ESYT2: variants seen among roughly 807,000 people sequenced by gnomAD.
ESYT2 encodes extended synaptotagmin-2.
In ESYT2, 54 loss-of-function variants were observed where a neutral mutation model predicts 107.2. The ratio of observed to expected loss-of-function variants is 0.50; its 90% CI spans 0.40 to 0.63. The LOEUF (loss-of-function observed/expected upper bound fraction) is 0.63, where lower values mean the gene tolerates loss of function less well. Among genes scored for constraint, ESYT2 ranks in the 30% least tolerant of loss-of-function variants. The pLI is 0.00. For missense variants in ESYT2, 1,020 were observed against 1,094.5 expected (o/e 0.93, Z 0.96); for synonymous variants, 491 against 434.1 (o/e 1.13, Z -1.63).
chr7:158,802,437 C>T (rs1000704469), intron 1 of ESYT2, among the ~76,000 whole-genome samples: 1 of 152,168 alleles, frequency 6.6e-6, no homozygotes, highest in African/African-American at 2.4e-5. Flanking sequence ...CCCGCCACCA[C>T]AAGTGGCTAA....
intron 6 of ESYT2, among the ~76,000 whole-genome samples, chr7:158,781,289 AGT>A (rs1398081578): frequency 2.1e-5 from 1 of 48,700 alleles, no homozygotes; most frequent in African/African-American, 5.9e-5. Flanking sequence ...GTGTGAGAAC[AGT>A]GTGCGGTGTG....
At chr7:158,798,646 C>CAAAAAAAAAAAAAAAAAA (rs57351086) in intron 2 of ESYT2, among the ~76,000 whole-genome samples, 3 of 49,854 alleles carry the variant, frequency 6.0e-5, no homozygotes, top group Non-Finnish European at 9.8e-5. Flanking sequence ...AGCTCCGTCT[C>CAAAAAAAAAAAAAAAAAA]AAAAAAAAAA....
At chr7:158,823,319 AAAG>A (rs1840340655) in intron 1 of ESYT2, among the ~76,000 whole-genome samples, 1 of 148,950 alleles carries the variant, frequency 6.7e-6, no homozygotes. Context: ...AAAAAAAAAA[AAAG>A]ACATTGGATT....
intron 1 of ESYT2, among the ~76,000 whole-genome samples, chr7:158,806,113 G>GGGGCACACCGCGTGGGAGGCGCCA (rs1839822384): frequency 6.6e-6 from 1 of 150,574 alleles, no homozygotes; most frequent in East Asian, 2.0e-4. Flanking sequence ...GGGAGGCGCC[G>GGGGCACACCGCGTGGGAGGCGCCA]GGGCACACCG....
At position 158,767,788 on chromosome 7, in the gene ESYT2, G is replaced by C. The variant is rs751949388; in HGVS notation, c.804-14C>G. On this transcript the variant is annotated splice_polypyrimidine_tract_variant and intron_variant, in intron 7 of 22. Coordinates refer to ENST00000275418, the MANE Select transcript of ESYT2 (RefSeq NM_001367773.1). ...TCTGATAAACCACTGTTAGTTGGGA[G>C]ACAAAAAGAGCAAACGGACTATCAG... 1 of 1,602,624 alleles carries C rather than the reference G, an allele frequency of 6.2e-7. No homozygotes were observed. The highest frequency in any genetic ancestry group is 2.2e-5 in the East Asian group (1 of 44,494).
chr7:158,826,006 A>T (rs1441417811), intron 1 of ESYT2, among the ~76,000 whole-genome samples: 2 of 150,666 alleles, frequency 1.3e-5, no homozygotes, highest in Non-Finnish European at 2.9e-5. Context: ...ACAACGCGGT[A>T]AGAACTCATC....
intron 9 of ESYT2, among the ~76,000 whole-genome samples, chr7:158,764,432 G>C (rs1365082642): frequency 6.6e-6 from 1 of 152,172 alleles, no homozygotes; most frequent in Non-Finnish European, 1.5e-5. Flanking sequence ...ATATTTTGCT[G>C]ATCATTCAGT....
At position 158,734,001 on chromosome 7, in the gene ESYT2, G is replaced by T. The variant is rs762032849; in HGVS notation, c.*206C>A. ...CCTACTGCACGTTGTAGGAACTGGC[G>T]AAATCCTAGAGGAAATCCAACACAG... On this transcript the variant is annotated 3_prime_UTR_variant, in exon 23 of 23. Coordinates refer to ENST00000275418, the MANE Select transcript of ESYT2 (RefSeq NM_001367773.1). 200 of 597,064 alleles carry T rather than the reference G, an allele frequency of 3.3e-4. No individual in the cohort carries two copies. The highest frequency in any genetic ancestry group is 4.9e-4 in the Non-Finnish European group (171 of 347,964). The allele number at this position is 597,064 out of a possible 1,614,324, so 37.0% of individuals were successfully genotyped here.
chr7:158,781,736 CGAGT>C (rs748791965), intron 6 of ESYT2, among the ~76,000 whole-genome samples: 225 of 148,794 alleles, frequency 1.5e-3, no homozygotes, highest in Non-Finnish European at 2.6e-3. Flanking sequence ...TGTGAGTGAA[CGAGT>C]GAGAACAAAG....
chr7:158,741,674 G>A lies in ESYT2; in HGVS notation c.2017C>T (p.Gln673Ter), dbSNP rs771247172. 1.9e-6 allele frequency: 3 copies of A among 1,613,956 alleles called. No individual in the cohort carries two copies. The highest frequency in any genetic ancestry group is 1.3e-5 in the African/African-American group (1 of 74,920). ...CTTCTGCCCAGGTCGTGCAGCCCCT[G>A]AGGGCCGGCCTCAGGGGGCTGGGCC... ...EKAQPPEAGP[Q>*]GLHDLGRSSS... Residue 673 changes from glutamine (Q) to a stop codon, truncating the protein, a stop_gained, in exon 18 of 23, where the codon CAG becomes TAG. Coordinates refer to ENST00000275418, the MANE Select transcript of ESYT2 (RefSeq NM_001367773.1). LOFTEE classifies it high-confidence loss of function.
intron 6 of ESYT2, among the ~76,000 whole-genome samples, chr7:158,779,467 CAG>C (rs1238935028): frequency 2.0e-5 from 3 of 152,198 alleles, no homozygotes; most frequent in African/African-American, 7.2e-5. Context: ...TCTTCAAATT[CAG>C]AGTTAGTCCT....
chr7:158,802,297 T>TG (rs2129473660), intron 1 of ESYT2, among the ~76,000 whole-genome samples: 1 of 152,356 alleles, frequency 6.6e-6, no homozygotes, highest in South Asian at 2.1e-4. Flanking sequence ...ATAAGCATTT[T>TG]TTTTTTTGAG....
Position 158,736,732 on chromosome 7 carries a change from T to C in ESYT2, c.2399+316A>G, listed in dbSNP as rs1357855207. ...TGTATCCTTAAATTCTCAGTTTTAA[T>C]TGATAACATAGTTAAGTGTCAACAG... is the stretch of plus-strand genomic sequence containing the variant. On this transcript the variant is annotated intron_variant, in intron 20 of 22. Transcript: ENST00000275418. Among the ~76,000 whole-genome samples, 5 of 151,852 alleles carry C rather than the reference T, an allele frequency of 3.3e-5. No homozygotes were observed. The East Asian group carries it at 1.0e-3, about 31-fold the overall frequency.
rs74303883 is a variant in ESYT2 at position 158,770,205 on chromosome 7, T to C, written c.804-2431A>G. 2.2e-4 allele frequency among the ~76,000 whole-genome samples: 34 copies of C among 152,194 alleles called. 1 individual carries two copies. Among genetic ancestry groups the C allele is most frequent in the South Asian group, 1.9e-3 (9 of 4,822 alleles). The stretch of plus-strand genomic sequence containing the variant: ...CGCGTTCAGCCTCATAGTTATTTAA[T>C]ATTCACTTTTATAACCTAAGGGTTG... On this transcript the variant is annotated intron_variant, in intron 7 of 22. Transcript: ENST00000275418.
chr7:158,783,936 G>A (rs1343974147), intron 6 of ESYT2, among the ~76,000 whole-genome samples: 1 of 152,218 alleles, frequency 6.6e-6, no homozygotes, highest in African/African-American at 2.4e-5. Context: ...AGAACCCACT[G>A]CAGCTGGGGA....
intron 7 of ESYT2, among the ~76,000 whole-genome samples, chr7:158,768,155 C>A (rs541061635): frequency 2.0e-5 from 3 of 152,234 alleles, no homozygotes; most frequent in Admixed American, 6.5e-5. Flanking sequence ...TACTAAAATA[C>A]ACCTCATTGA....
chr7:158,795,117 C>T (rs1290548227), intron 3 of ESYT2, among the ~76,000 whole-genome samples: 1 of 152,170 alleles, frequency 6.6e-6, no homozygotes, highest in African/African-American at 2.4e-5. Flanking sequence ...AGGACAAACA[C>T]CAGAAGGCAA....
intron 1 of ESYT2, among the ~76,000 whole-genome samples, chr7:158,824,118 T>C (rs1840369034): frequency 6.6e-6 from 1 of 152,168 alleles, no homozygotes; most frequent in South Asian, 2.1e-4. Flanking sequence ...GGCATTAATG[T>C]TCTAACTGAA....
At chr7:158,765,898 T>C (rs1838145268) in intron 8 of ESYT2, among the ~76,000 whole-genome samples, 2 of 152,098 alleles carry the variant, frequency 1.3e-5, no homozygotes, top group African/African-American at 4.8e-5. Flanking sequence ...ACACATCCTT[T>C]TTTAAAATTA....
Sources: gnomAD v4.1 joint callset for allele counts (sites outside exome capture counted in the v4.1 genomes callset) on GRCh38, gnomAD v4.1.1 for gene constraint, MANE v1.5 for transcripts, NCBI Gene and HGNC (gene_info 2026-07-23, HGNC 2026-07-21) for gene names.